The following GRID1 variants were observed in gnomAD, a reference collection of about 807,000 sequenced individuals.
The protein encoded by GRID1 is glutamate receptor ionotropic, delta-1.
A neutral mutation model predicts 98.0 loss-of-function variants in GRID1; 28 were observed. The observed-to-expected ratio is 0.29, with a 90% CI of 0.21 to 0.39. GRID1 has a LOEUF of 0.39. GRID1 is among the 10% of genes least tolerant of loss of function. The pLI, the probability that GRID1 is intolerant of heterozygous loss-of-function variation, is 1.00. For synonymous variants in GRID1, 553 were observed against 538.5 expected, an observed-to-expected ratio of 1.03 and a Z score of -0.37; for missense variants, 1,111 against 1,340.5, an observed-to-expected ratio of 0.83 and a Z score of 2.67.
Position 86,099,290 on chromosome 10 carries a change from T to C in GRID1, c.726+39529A>G, listed in dbSNP as rs573092251. Reference sequence around the variant, plus strand: ...TGAGGGGTGCTGAGCACCCTGCCCATGGTGACTGCTCTATAAATCCTTCAT... The same window carrying C: ...TGAGGGGTGCTGAGCACCCTGCCCACGGTGACTGCTCTATAAATCCTTCAT... On this transcript the variant is annotated intron_variant, in intron 4 of 15. Coordinates refer to ENST00000327946, the MANE Select transcript of GRID1 (RefSeq NM_017551.3). Among the ~76,000 whole-genome samples the C allele has an allele frequency of 3.3e-5, 5 of 152,314 alleles. No individual in the cohort carries two copies. In the East Asian group the frequency reaches 9.6e-4, roughly 29 times the overall value.
At chr10:85,621,234 T>G (rs560859586) in intron 13 of GRID1, among the ~76,000 whole-genome samples, 2 of 152,248 alleles carry the variant, frequency 1.3e-5, no homozygotes, top group South Asian at 2.1e-4. Context: ...CTTCTTTCCT[T>G]TTTACCATGG....
intron 8 of GRID1, among the ~76,000 whole-genome samples, chr10:85,826,352 A>G (rs2131756887): frequency 6.6e-6 from 1 of 152,230 alleles, no homozygotes; most frequent in South Asian, 2.1e-4. Context: ...ACAAAACAAA[A>G]CAAAACCCAA....
At position 85,876,833 on chromosome 10, in the gene GRID1, C is replaced by A. The variant is rs1016056115; in HGVS notation, c.781-7653G>T. On this transcript the variant is annotated intron_variant, in intron 5 of 15. Coordinates refer to ENST00000327946, the MANE Select transcript of GRID1 (RefSeq NM_017551.3). Reference sequence around the variant, plus strand: ...TGCCTCACTCGGAAGTGCAAGGGGTCAGGGAGTTCCCTTTCCTAGTCAAAG... The same window carrying A: ...TGCCTCACTCGGAAGTGCAAGGGGTAAGGGAGTTCCCTTTCCTAGTCAAAG... 2.0e-5 allele frequency among the ~76,000 whole-genome samples: 3 copies of A among 152,304 alleles called. No homozygotes were observed. The East Asian group carries it at 5.8e-4, about 29-fold the overall frequency.
intron 8 of GRID1, among the ~76,000 whole-genome samples, chr10:85,850,862 C>G (rs767114960): frequency 3.9e-5 from 6 of 152,180 alleles, no homozygotes; most frequent in Non-Finnish European, 7.3e-5. Context: ...TGCAAAAACT[C>G]AGGAGAGGCA....
At chr10:85,992,765 C>T (rs1182341965) in intron 4 of GRID1, among the ~76,000 whole-genome samples, 1 of 151,878 alleles carries the variant, frequency 6.6e-6, no homozygotes, top group Non-Finnish European at 1.5e-5. Context: ...GCCTAGGTAA[C>T]ATAGTGAGAC....
intron 5 of GRID1, among the ~76,000 whole-genome samples, chr10:85,874,428 T>A (rs1843307878): frequency 6.6e-6 from 1 of 152,236 alleles, no homozygotes; most frequent in South Asian, 2.1e-4. Context: ...GGAGCATTGT[T>A]AAATTTTATT....
rs72845104 is a variant in GRID1, at chr10:86,262,855, G to A, written c.236-56207C>T. ...CCTTTACCATGGAGGCTTGGCGACAGAGAGCCCAGGAGCCAGAAGCCCTGA... is the reference window on the plus strand; with the variant it reads ...CCTTTACCATGGAGGCTTGGCGACAAAGAGCCCAGGAGCCAGAAGCCCTGA... On this transcript the variant is annotated intron_variant, in intron 2 of 15. Transcript: ENST00000327946. Among the ~76,000 whole-genome samples the A allele has an allele frequency of 8.8e-4, 134 of 152,276 alleles. 1 individual carries two copies. The highest frequency in any genetic ancestry group is 2.5e-3 in the Admixed American group (39 of 15,302).
intron 4 of GRID1, among the ~76,000 whole-genome samples, chr10:86,110,947 G>C (rs1014401020): frequency 2.0e-5 from 3 of 152,178 alleles, no homozygotes; most frequent in Admixed American, 6.5e-5. Flanking sequence ...AAAGCCCAGC[G>C]TATCAGTTAG....
chr10:85,607,796 C>T (rs1433795882), intron 15 of GRID1, among the ~76,000 whole-genome samples: 51 of 149,912 alleles, frequency 3.4e-4, no homozygotes, highest in Admixed American at 3.4e-3. Context: ...AACCTGGGCT[C>T]TTTCCTTTTC....
intron 13 of GRID1, 66 bp downstream of exon 13, chr10:85,647,136 A>C (rs965384767): frequency 1.5e-6 from 2 of 1,316,968 alleles, no homozygotes; most frequent in African/African-American, 2.9e-5. Flanking sequence ...GGTGTCTCCC[A>C]CCTGGGGGCT....
At chr10:86,294,517 G>C (rs913909390) in intron 2 of GRID1, among the ~76,000 whole-genome samples, 1 of 152,194 alleles carries the variant, frequency 6.6e-6, no homozygotes, top group Non-Finnish European at 1.5e-5. Context: ...GGCTGAGCTA[G>C]AAGGGTGGGC....
Position 86,066,674 on chromosome 10 carries a change from C to T in GRID1, c.726+72145G>A, listed in dbSNP as rs371087460. On this transcript the variant is annotated intron_variant, in intron 4 of 15. Transcript: ENST00000327946. ...GTGTGATGTGATATAATGTGATATGCTCAGCAAATGATAACTCAGTTAACA... is the reference window on the plus strand; with the variant it reads ...GTGTGATGTGATATAATGTGATATGTTCAGCAAATGATAACTCAGTTAACA... Among the ~76,000 whole-genome samples the T allele has an allele frequency of 1.2e-3, 178 of 152,324 alleles. 2 individuals are homozygous for T. Among genetic ancestry groups the T allele is most frequent in the Non-Finnish European group, 2.3e-3 (155 of 68,038 alleles).
intron 3 of GRID1, among the ~76,000 whole-genome samples, chr10:86,142,755 G>A (rs1471521043): frequency 2.0e-5 from 3 of 152,216 alleles, no homozygotes; most frequent in Admixed American, 6.5e-5. Flanking sequence ...GGACACCCAT[G>A]TGGCCCCAGG....
chr10:85,800,786 AATC>A (rs1380760274), intron 8 of GRID1, among the ~76,000 whole-genome samples: 14 of 152,066 alleles, frequency 9.2e-5, no homozygotes, highest in Non-Finnish European at 2.9e-5. Flanking sequence ...TAACTCTTCT[AATC>A]ATCATAACAA....
intron 4 of GRID1, among the ~76,000 whole-genome samples, chr10:85,926,802 C>T (rs972210994): frequency 6.6e-6 from 1 of 152,144 alleles, no homozygotes; most frequent in African/African-American, 2.4e-5. Context: ...GGAGCCACAT[C>T]CTCACATCGT....
At chr10:85,617,480 C>T (rs569138825) in intron 14 of GRID1, among the ~76,000 whole-genome samples, 17 of 152,092 alleles carry the variant, frequency 1.1e-4, no homozygotes, top group African/African-American at 2.9e-4. Flanking sequence ...GTGATCTGCC[C>T]GCCTCAGCCT....
intron 5 of GRID1, among the ~76,000 whole-genome samples, chr10:85,899,222 T>G (rs1282426556): frequency 6.6e-6 from 1 of 152,220 alleles, no homozygotes; most frequent in Non-Finnish European, 1.5e-5. Context: ...TCCAGGCTCA[T>G]CCATGTTGTC....
intron 4 of GRID1, among the ~76,000 whole-genome samples, chr10:85,976,375 C>T (rs17106095): frequency 0.13 from 19,504 of 152,186 alleles, 1,379 homozygotes; most frequent in Admixed American, 0.22. Flanking sequence ...GATTTTAAGG[C>T]ACTGCCCCCA....
In GRID1 at chr10:85,724,499, C is replaced by T. The variant is rs765669849; in HGVS notation, c.1711G>A (p.Ala571Thr). Residue 571 changes from alanine to threonine, a missense_variant, in exon 11 of 16, where the codon GCA becomes ACA. Ala to Thr is a moderately conservative substitution (Grantham distance 58). This residue lies in a region of GRID1 where 762 missense variants were observed against 869.1 expected (regional missense o/e 0.88). Transcript: ENST00000327946. ...FDFAVWACIA[A>T]AIPVVGVLIF... ...AGCACACCAACCACAGGGATGGCTG[C>T]TGCAATGCAGGCCCACACAGCGAAA... 9.3e-6 allele frequency: 15 copies of T among 1,614,144 alleles called. No individual in the cohort carries two copies. In the South Asian group the frequency reaches 1.5e-4, roughly 17 times the overall value.
Sources: gnomAD v4.1 joint callset for allele counts (sites outside exome capture counted in the v4.1 genomes callset) on GRCh38, gnomAD v4.1.1 for gene constraint, gnomAD v4.1.1 regional missense constraint, MANE v1.5 for transcripts, NCBI Gene and HGNC (gene_info 2026-07-23, HGNC 2026-07-21) for gene names.